MOB3B: variants seen among roughly 807,000 people sequenced by gnomAD.
MOB3B encodes MOB kinase activator 3B.
Under a neutral mutation model 18.7 loss-of-function variants are expected in MOB3B, and 7 were observed. That is an observed-to-expected ratio of 0.37 (90% confidence interval 0.21 to 0.70). The LOEUF (loss-of-function observed/expected upper bound fraction) is 0.70, where lower values mean the gene tolerates loss of function less well. MOB3B is among the 30% of genes least tolerant of loss of function. MOB3B has a pLI of 0.52. For missense variants in MOB3B, 253 were observed against 281.3 expected (o/e 0.90, Z 0.72); for synonymous variants, 111 against 99.9 (o/e 1.11, Z -0.66).
At chr9:27,470,150 T>G (rs1819450965) in intron 1 of MOB3B, among the ~76,000 whole-genome samples, 1 of 147,276 alleles carries the variant, frequency 6.8e-6, no homozygotes, top group Non-Finnish European at 1.5e-5. Flanking sequence ...TACCCCAACT[T>G]AACTGTCTTT....
chr9:27,342,717 C>T (rs1820966968), intron 3 of MOB3B, among the ~76,000 whole-genome samples: 1 of 152,198 alleles, frequency 6.6e-6, no homozygotes, highest in South Asian at 2.1e-4. Context: ...ATCTGCCTGC[C>T]TCGGCCTCCC....
chr9:27,374,548 C>T (rs977736025), intron 2 of MOB3B, among the ~76,000 whole-genome samples: 1 of 151,960 alleles, frequency 6.6e-6, no homozygotes, highest in African/African-American at 2.4e-5. Context: ...CTTGGTGAGG[C>T]AGGAGTGGGA....
At chr9:27,479,671 T>C (rs1426771163) in intron 1 of MOB3B, among the ~76,000 whole-genome samples, 1 of 152,194 alleles carries the variant, frequency 6.6e-6, no homozygotes, top group Non-Finnish European at 1.5e-5. Flanking sequence ...AAAGGCATTA[T>C]AAACAACTTG....
At chr9:27,512,932 T>G (rs1402163160) in intron 1 of MOB3B, among the ~76,000 whole-genome samples, 1 of 152,172 alleles carries the variant, frequency 6.6e-6, no homozygotes, top group Non-Finnish European at 1.5e-5. Flanking sequence ...CATCAGGGTA[T>G]ACTCTAAGAA....
rs571644740 is a variant in MOB3B, at chr9:27,405,398, G to A, written c.419-46162C>T. Among the ~76,000 whole-genome samples the A allele has an allele frequency of 3.7e-4, 57 of 152,140 alleles. 1 individual carries two copies. The highest frequency in any genetic ancestry group is 2.3e-3 in the South Asian group (11 of 4,818). ...TGAGATTACAGGTGTGAGCCACCAC[G>A]CCCAACCTGTCCATTTTTTAAATGG... On this transcript the variant is annotated intron_variant, in intron 2 of 3. Coordinates refer to ENST00000262244, the MANE Select transcript of MOB3B (RefSeq NM_024761.5).
intron 2 of MOB3B, among the ~76,000 whole-genome samples, chr9:27,410,198 C>T (rs1055292026): frequency 1.1e-4 from 16 of 152,162 alleles, no homozygotes; most frequent in Non-Finnish European, 7.4e-5. Flanking sequence ...CTCTTGGGAA[C>T]CAGAGCACAC....
At chr9:27,385,167 C>A (rs934017556) in intron 2 of MOB3B, among the ~76,000 whole-genome samples, 1 of 152,208 alleles carries the variant, frequency 6.6e-6, no homozygotes, top group African/African-American at 2.4e-5. Context: ...TTTGCCTGAA[C>A]ATGTTTTCTT....
At chr9:27,524,298 C>T in intron 1 of MOB3B, 1 of 1,586,074 alleles carries the variant, frequency 6.3e-7, no homozygotes, top group Non-Finnish European at 8.6e-7. Context: ...ACATCATTGT[C>T]ATATACACAT....
intron 1 of MOB3B, among the ~76,000 whole-genome samples, chr9:27,528,016 A>C (rs1267237536): frequency 6.6e-6 from 1 of 152,218 alleles, no homozygotes; most frequent in African/African-American, 2.4e-5. Flanking sequence ...ACTGTGCTCT[A>C]GCCGTATCTG....
chr9:27,379,049 A>C (rs980404064), intron 2 of MOB3B, among the ~76,000 whole-genome samples: 9 of 152,088 alleles, frequency 5.9e-5, no homozygotes, highest in Non-Finnish European at 1.2e-4. Context: ...CCAAAATGGG[A>C]TGCATTGTCT....
At chr9:27,523,114 T>C (rs1820365539) in intron 1 of MOB3B, among the ~76,000 whole-genome samples, 1 of 152,168 alleles carries the variant, frequency 6.6e-6, no homozygotes, top group Non-Finnish European at 1.5e-5. Context: ...TGCAAATTAA[T>C]GTATATCTTT....
At chr9:27,345,187 A>T (rs1265762967) in intron 3 of MOB3B, among the ~76,000 whole-genome samples, 1 of 152,152 alleles carries the variant, frequency 6.6e-6, no homozygotes, top group Non-Finnish European at 1.5e-5. Flanking sequence ...TTTGCTTCAT[A>T]TGCTTGAAAG....
At chr9:27,331,569 C>T (rs1035189178) in intron 3 of MOB3B, among the ~76,000 whole-genome samples, 1 of 152,204 alleles carries the variant, frequency 6.6e-6, no homozygotes, top group Admixed American at 6.5e-5. Flanking sequence ...TTGAATCGCC[C>T]CATGTGCTTT....
intron 2 of MOB3B, among the ~76,000 whole-genome samples, chr9:27,424,480 C>T (rs192525130): frequency 6.6e-6 from 1 of 152,326 alleles, no homozygotes; most frequent in South Asian, 2.1e-4. Flanking sequence ...CCATTTACTT[C>T]ATTTCTCATC....
chr9:27,528,383 G>A (rs1820469561), intron 1 of MOB3B, among the ~76,000 whole-genome samples: 1 of 152,268 alleles, frequency 6.6e-6, no homozygotes, highest in African/African-American at 2.4e-5. Flanking sequence ...GGCGGAACGC[G>A]CTTCCACTGT....
At chr9:27,398,007 C>G (rs1247000953) in intron 2 of MOB3B, among the ~76,000 whole-genome samples, 2 of 152,168 alleles carry the variant, frequency 1.3e-5, no homozygotes, top group Non-Finnish European at 2.9e-5. Flanking sequence ...AATTTTTTAC[C>G]CAAGTCTCCC....
chr9:27,513,213 A>G (rs1563887262), intron 1 of MOB3B, among the ~76,000 whole-genome samples: 1 of 152,200 alleles, frequency 6.6e-6, no homozygotes, highest in Non-Finnish European at 1.5e-5. Flanking sequence ...GAACCCAAAT[A>G]TACCCTAAGT....
chr9:27,442,008 C>T (rs963545501), intron 2 of MOB3B, among the ~76,000 whole-genome samples: 1 of 152,024 alleles, frequency 6.6e-6, no homozygotes, highest in East Asian at 1.9e-4. Flanking sequence ...TTAAACCAGA[C>T]GTTAAAGAGA....
At chr9:27,418,091 C>CAAAAAAA (rs57850999) in intron 2 of MOB3B, among the ~76,000 whole-genome samples, 11,430 of 43,648 alleles carry the variant, frequency 0.26, 2,487 homozygotes, top group Non-Finnish European at 0.32. Flanking sequence ...GACTCCACCT[C>CAAAAAAA]AAAAAAAAAA....
Sources: gnomAD v4.1 joint callset for allele counts (sites outside exome capture counted in the v4.1 genomes callset) on GRCh38, gnomAD v4.1.1 for gene constraint, MANE v1.5 for transcripts, NCBI Gene and HGNC (gene_info 2026-07-23, HGNC 2026-07-21) for gene names.